The following BLTP2 variants were observed in gnomAD, a reference collection of about 807,000 sequenced individuals.
The protein encoded by BLTP2 is bridge-like lipid transfer protein family member 2, also known as U937-associated antigen.
chr17:28,618,006 C>T, the BLTP2 span, among the ~76,000 whole-genome samples: 1 of 149,436 alleles, frequency 6.7e-6, no homozygotes, highest in Non-Finnish European at 1.5e-5. Flanking sequence ...GATCTCGGCT[C>T]ACTGCAACCT....
the BLTP2 span, among the ~76,000 whole-genome samples, chr17:28,618,089 C>T: frequency 4.6e-5 from 7 of 150,926 alleles, no homozygotes; most frequent in African/African-American, 1.7e-4. Flanking sequence ...TGCACCACCA[C>T]GCCTGGCTAA....
At chr17:28,636,847 T>A in the BLTP2 span, 1 of 817,010 alleles carries the variant, frequency 1.2e-6, no homozygotes, top group Non-Finnish European at 1.9e-6. Flanking sequence ...AAGACCAGTC[T>A]GGGCAACATG....
chr17:28,636,591 T>A, the BLTP2 span, among the ~76,000 whole-genome samples: 1 of 152,198 alleles, frequency 6.6e-6, no homozygotes, highest in African/African-American at 2.4e-5. Context: ...TGGTCATGAA[T>A]TGGTAATTAT....
the BLTP2 span, chr17:28,619,946 T>C: frequency 1.9e-6 from 3 of 1,614,132 alleles, no homozygotes; most frequent in Non-Finnish European, 2.5e-6. Flanking sequence ...AGTATGCTGC[T>C]GCGTTGCTCC....
the BLTP2 span, chr17:28,635,493 A>G: frequency 6.2e-7 from 1 of 1,614,024 alleles, no homozygotes; most frequent in East Asian, 2.2e-5. Flanking sequence ...GTACAGTCTC[A>G]GGAAACACAG....
the BLTP2 span, among the ~76,000 whole-genome samples, chr17:28,641,444 A>G: frequency 2.0e-3 from 307 of 152,194 alleles, no homozygotes; most frequent in African/African-American, 7.0e-3. Context: ...GATCGAGACC[A>G]TCCTGGCTAA....
chr17:28,636,248 A>C, the BLTP2 span, among the ~76,000 whole-genome samples: 18 of 152,322 alleles, frequency 1.2e-4, no homozygotes, highest in South Asian at 2.1e-4. Context: ...CAGTTTCCAA[A>C]GGACGGTGAA....
chr17:28,638,313 G>A, the BLTP2 span: 1 of 1,613,592 alleles, frequency 6.2e-7, no homozygotes, highest in African/African-American at 1.3e-5. Flanking sequence ...GGGTGGGTGT[G>A]GCGCCCGCTG....
the BLTP2 span, chr17:28,620,365 T>A: frequency 4.2e-6 from 4 of 941,630 alleles, no homozygotes; most frequent in Admixed American, 2.6e-5. Context: ...GAATTTCAAT[T>A]GTCACTGCCG....
At chr17:28,634,958 A>G in the BLTP2 span, 14 of 1,613,738 alleles carry the variant, frequency 8.7e-6, no homozygotes, top group Non-Finnish European at 1.1e-5. Context: ...ACCCATGAGA[A>G]GTGCTCAACC....
the BLTP2 span, among the ~76,000 whole-genome samples, chr17:28,636,616 C>CAA: frequency 6.6e-6 from 1 of 152,092 alleles, no homozygotes; most frequent in Non-Finnish European, 1.5e-5. Context: ...TCTTGGTATA[C>CAA]AAAAGCTTAT....
chr17:28,626,853 C>T, the BLTP2 span, among the ~76,000 whole-genome samples: 1 of 152,202 alleles, frequency 6.6e-6, no homozygotes, highest in African/African-American at 2.4e-5. Context: ...ATGTTTCCTT[C>T]AGTCCTGTGA....
At chr17:28,633,163 C>A in the BLTP2 span, 2 of 1,582,404 alleles carry the variant, frequency 1.3e-6, no homozygotes, top group Non-Finnish European at 1.7e-6. Context: ...GTCGTCATAC[C>A]TGCCTCACAA....
the BLTP2 span, chr17:28,634,374 G>T: frequency 1.2e-6 from 1 of 824,300 alleles, no homozygotes; most frequent in Non-Finnish European, 1.9e-6. Flanking sequence ...AACAAAGAAA[G>T]GGAAGGGAAG....
chr17:28,639,215 A>G, the BLTP2 span: 2 of 1,266,932 alleles, frequency 1.6e-6, no homozygotes, highest in Non-Finnish European at 2.3e-6. Flanking sequence ...TGAGGAGGTC[A>G]AACAACCAAA....
At chr17:28,637,694 CAG>C in the BLTP2 span, 1 of 680,346 alleles carries the variant, frequency 1.5e-6, no homozygotes, top group East Asian at 2.6e-5. Flanking sequence ...TTTTTGGAGA[CAG>C]AGTCTCGCTC....
the BLTP2 span, among the ~76,000 whole-genome samples, chr17:28,625,532 T>C: frequency 3.3e-5 from 5 of 152,164 alleles, no homozygotes; most frequent in Admixed American, 3.3e-4. Context: ...AAATTCAGCA[T>C]GCCCAAATGT....
At chr17:28,628,180 T>C in the BLTP2 span, 2 of 1,168,698 alleles carry the variant, frequency 1.7e-6, no homozygotes, top group Non-Finnish European at 2.5e-6. Context: ...AGAAGCACCA[T>C]GACTCAGTCC....
At chr17:28,640,652 C>A in the BLTP2 span, 4 of 1,613,876 alleles carry the variant, frequency 2.5e-6, no homozygotes, top group African/African-American at 5.3e-5. Flanking sequence ...ATAGGCCAGG[C>A]AGAGTTGGCT....
Sources: gnomAD v4.1 joint callset for allele counts (sites outside exome capture counted in the v4.1 genomes callset) on GRCh38, gnomAD v4.1.1 for gene constraint, MANE v1.5 for transcripts, NCBI Gene and HGNC (gene_info 2026-07-23, HGNC 2026-07-21) for gene names.